Variants in CAMKMT observed in about 807,000 individuals in gnomAD.
CAMKMT encodes the protein CaM KMT.
A neutral mutation model predicts 48.0 loss-of-function variants in CAMKMT; 53 were observed. The observed-to-expected ratio is 1.10, with a 90% CI of 0.89 to 1.39. The LOEUF is 1.39. CAMKMT is among the 40% of genes most tolerant of loss of function. The pLI, the probability that CAMKMT is intolerant of heterozygous loss-of-function variation, is 0.00. For synonymous variants in CAMKMT, 165 were observed against 152.3 expected, an observed-to-expected ratio of 1.08 and a Z score of -0.61; for missense variants, 428 against 402.7, an observed-to-expected ratio of 1.06 and a Z score of -0.54.
chr2:44,760,025 G>A (rs1250262143), intron 9 of CAMKMT, among the ~76,000 whole-genome samples: 1 of 152,114 alleles, frequency 6.6e-6, no homozygotes, highest in African/African-American at 2.4e-5. Context: ...TGGCACTGAC[G>A]CCATTCCTAT....
intron 3 of CAMKMT, among the ~76,000 whole-genome samples, chr2:44,409,067 T>A (rs1682981195): frequency 7.2e-6 from 1 of 138,676 alleles, no homozygotes; most frequent in South Asian, 2.3e-4. Flanking sequence ...AATTTTTAGT[T>A]GTTATTTCAG....
intron 6 of CAMKMT, among the ~76,000 whole-genome samples, chr2:44,710,237 GTTTA>G (rs1372685303): frequency 1.3e-5 from 2 of 151,992 alleles, no homozygotes; most frequent in Non-Finnish European, 2.9e-5. Context: ...CCAGTTTTGA[GTTTA>G]TTTATTATCT....
chr2:44,738,218 G>A (rs1449435969), intron 7 of CAMKMT, among the ~76,000 whole-genome samples: 3 of 152,062 alleles, frequency 2.0e-5, no homozygotes, highest in African/African-American at 7.2e-5. Context: ...GCTATGGCCT[G>A]GAAACTCTCA....
chr2:44,386,993 G>A (rs565102119), intron 2 of CAMKMT, among the ~76,000 whole-genome samples: 2 of 152,236 alleles, frequency 1.3e-5, no homozygotes, highest in Non-Finnish European at 2.9e-5. Context: ...TTATTCTGCA[G>A]TTGTTGGACA....
At chr2:44,497,763 A>G (rs1572652359) in intron 3 of CAMKMT, among the ~76,000 whole-genome samples, 1 of 144,172 alleles carries the variant, frequency 6.9e-6, no homozygotes, top group Non-Finnish European at 1.5e-5. Context: ...ATGAAGGGCT[A>G]TAGGCAGCCC....
intron 3 of CAMKMT, among the ~76,000 whole-genome samples, chr2:44,554,704 C>G (rs1262059165): frequency 2.0e-5 from 3 of 152,040 alleles, no homozygotes; most frequent in Admixed American, 6.6e-5. Context: ...GACCTTGTCT[C>G]TATAAAATAA....
At chr2:44,441,955 A>C (rs1277597727) in intron 3 of CAMKMT, among the ~76,000 whole-genome samples, 3 of 152,278 alleles carry the variant, frequency 2.0e-5, no homozygotes, top group Admixed American at 1.3e-4. Flanking sequence ...TGCGGTATGC[A>C]GCTATATACA....
rs967220231 is a variant in CAMKMT at position 44,519,762 on chromosome 2, C to T, written c.376+129457C>T. Among the ~76,000 whole-genome samples the T allele has an allele frequency of 2.0e-5, 3 of 152,240 alleles. No individual in the cohort carries two copies. In the East Asian group the frequency reaches 5.8e-4, roughly 29 times the overall value. On this transcript the variant is annotated intron_variant, in intron 3 of 10. Coordinates refer to ENST00000378494, the MANE Select transcript of CAMKMT (RefSeq NM_024766.5). Reference sequence around the variant, plus strand: ...CTCAACATGCACTATTTCATTTGGTCCCAACAACCCAGTGAGGTAGTTGTA... The same window carrying T: ...CTCAACATGCACTATTTCATTTGGTTCCAACAACCCAGTGAGGTAGTTGTA...
At chr2:44,671,383 C>G (rs1194684484) in intron 3 of CAMKMT, among the ~76,000 whole-genome samples, 2 of 152,194 alleles carry the variant, frequency 1.3e-5, no homozygotes, top group Non-Finnish European at 2.9e-5. Flanking sequence ...AGATGGGTAA[C>G]AGGAATACAC....
At chr2:44,755,459 G>T (rs1378781591) in intron 9 of CAMKMT, among the ~76,000 whole-genome samples, 1 of 152,064 alleles carries the variant, frequency 6.6e-6, no homozygotes, top group African/African-American at 2.4e-5. Flanking sequence ...GAATATGAAG[G>T]CCTCTATGAA....
At chr2:44,693,571 T>C (rs536986490) in intron 3 of CAMKMT, among the ~76,000 whole-genome samples, 32 of 152,208 alleles carry the variant, frequency 2.1e-4, no homozygotes, top group Non-Finnish European at 3.4e-4. Flanking sequence ...CCAGTGACCA[T>C]GCTATCTCCA....
intron 3 of CAMKMT, among the ~76,000 whole-genome samples, chr2:44,612,370 C>G (rs1671647759): frequency 6.6e-6 from 1 of 152,118 alleles, no homozygotes; most frequent in Admixed American, 6.5e-5. Flanking sequence ...ATAAAGATAG[C>G]ATCACACTCA....
intron 3 of CAMKMT, among the ~76,000 whole-genome samples, chr2:44,551,967 C>G (rs1289392591): frequency 1.3e-5 from 2 of 152,116 alleles, no homozygotes; most frequent in Non-Finnish European, 2.9e-5. Flanking sequence ...ATATGGGTTT[C>G]TAACATATAG....
intron 3 of CAMKMT, among the ~76,000 whole-genome samples, chr2:44,554,319 A>G (rs1183311096): frequency 6.6e-6 from 1 of 152,242 alleles, no homozygotes; most frequent in Non-Finnish European, 1.5e-5. Context: ...AAATCTTCCT[A>G]GTAACCCAGA....
At chr2:44,379,459 C>T (rs786622) in intron 2 of CAMKMT, among the ~76,000 whole-genome samples, 93,659 of 151,970 alleles carry the variant, frequency 0.62, 29,397 homozygotes, top group Middle Eastern at 0.68. Context: ...TGTGGTATCT[C>T]TATGTTTAAC....
At chr2:44,536,231 T>G (rs1222813146) in intron 3 of CAMKMT, among the ~76,000 whole-genome samples, 3 of 152,086 alleles carry the variant, frequency 2.0e-5, no homozygotes, top group Admixed American at 1.3e-4. Context: ...TGGAAAGATA[T>G]TCCATGTTTG....
At chr2:44,641,807 C>T (rs1673466469) in intron 3 of CAMKMT, among the ~76,000 whole-genome samples, 1 of 152,232 alleles carries the variant, frequency 6.6e-6, no homozygotes, top group African/African-American at 2.4e-5. Flanking sequence ...ATCTGCCCGG[C>T]TTAGCCTCCC....
chr2:44,573,506 A>G (rs901407092), intron 3 of CAMKMT, among the ~76,000 whole-genome samples: 4 of 152,070 alleles, frequency 2.6e-5, no homozygotes, highest in African/African-American at 7.2e-5. Context: ...CTGATGGACA[A>G]AAGTTTTTAA....
chr2:44,769,517 C>T (rs1472151650), intron 10 of CAMKMT, among the ~76,000 whole-genome samples: 2 of 152,158 alleles, frequency 1.3e-5, no homozygotes, highest in Admixed American at 6.5e-5. Flanking sequence ...CAAAACCTTT[C>T]GGATAGTAAG....
Sources: gnomAD v4.1 joint callset for allele counts (sites outside exome capture counted in the v4.1 genomes callset) on GRCh38, gnomAD v4.1.1 for gene constraint, MANE v1.5 for transcripts, NCBI Gene and HGNC (gene_info 2026-07-23, HGNC 2026-07-21) for gene names.